The following MSRA variants were observed in gnomAD, a reference collection of about 807,000 sequenced individuals.
MSRA encodes methionine sulfoxide reductase A.
Under a neutral mutation model 31.3 loss-of-function variants are expected in MSRA, and 54 were observed. The ratio of observed to expected loss-of-function variants is 1.73; its 90% CI spans 1.39 to 2.17. The LOEUF is 2.17. Ranked by LOEUF, MSRA falls within the 30% of genes most tolerant of loss-of-function variation. The pLI, the probability that MSRA is intolerant of heterozygous loss-of-function variation, is 0.00. For synonymous variants in MSRA, 169 were observed against 116.5 expected (o/e 1.45, Z -2.90); for missense variants, 507 against 300.9 (o/e 1.69, Z -5.07).
chr8:10,059,267 G>A (rs1802568859), intron 1 of MSRA, among the ~76,000 whole-genome samples: 1 of 152,208 alleles, frequency 6.6e-6, no homozygotes, highest in African/African-American at 2.4e-5. Context: ...GCTCACACTT[G>A]TTAAGTGTCT....
intron 3 of MSRA, among the ~76,000 whole-genome samples, chr8:10,252,974 G>A (rs938246117): frequency 6.6e-6 from 1 of 152,196 alleles, no homozygotes; most frequent in Non-Finnish European, 1.5e-5. Context: ...ATGCTGATAG[G>A]TAGTTCAAAG....
chr8:10,194,642 C>G (rs1467267567), intron 1 of MSRA, among the ~76,000 whole-genome samples: 2 of 152,226 alleles, frequency 1.3e-5, no homozygotes, highest in Admixed American at 6.5e-5. Context: ...ATAGCTCTAT[C>G]TTGAGGCCTT....
chr8:10,283,701 C>G (rs1183296840), intron 3 of MSRA, among the ~76,000 whole-genome samples: 1 of 148,274 alleles, frequency 6.7e-6, no homozygotes, highest in East Asian at 2.0e-4. Flanking sequence ...GTTTTTTTTT[C>G]CATTCCTGAG....
chr8:10,124,706 G>C (rs1197546005), intron 1 of MSRA, among the ~76,000 whole-genome samples: 1 of 152,110 alleles, frequency 6.6e-6, no homozygotes. Flanking sequence ...TATCTTTCCT[G>C]AAATTTTGCA....
chr8:10,161,377 T>C (rs537757931), intron 1 of MSRA, among the ~76,000 whole-genome samples: 2 of 152,296 alleles, frequency 1.3e-5, no homozygotes, highest in Admixed American at 1.3e-4. Context: ...ATTATCTTCA[T>C]TAGGTACTTG....
chr8:10,308,888 G>A (rs986885098), intron 4 of MSRA, among the ~76,000 whole-genome samples: 2 of 152,150 alleles, frequency 1.3e-5, no homozygotes, highest in Admixed American at 6.5e-5. Flanking sequence ...TACTTCATAG[G>A]GTTATAGTCA....
chr8:10,229,448 G>A (rs542066850), intron 2 of MSRA, among the ~76,000 whole-genome samples: 6 of 152,254 alleles, frequency 3.9e-5, no homozygotes, highest in Admixed American at 3.3e-4. Flanking sequence ...TTCATCTGAG[G>A]ACTGGGGGCC....
At chr8:10,425,278 T>C (rs1314238189) in intron 5 of MSRA, among the ~76,000 whole-genome samples, 1 of 152,152 alleles carries the variant, frequency 6.6e-6, no homozygotes, top group Non-Finnish European at 1.5e-5. Flanking sequence ...CCCAGGGCGG[T>C]GCAGAGGCGT....
At chr8:10,067,907 A>T (rs1403407506) in intron 1 of MSRA, among the ~76,000 whole-genome samples, 3 of 113,226 alleles carry the variant, frequency 2.6e-5, no homozygotes, top group Non-Finnish European at 3.4e-5. Context: ...TTTTTTGGAG[A>T]CAGTCTTACA....
intron 5 of MSRA, among the ~76,000 whole-genome samples, chr8:10,368,519 G>A (rs1805295053): frequency 1.3e-5 from 2 of 152,228 alleles, no homozygotes; most frequent in African/African-American, 4.8e-5. Flanking sequence ...GGGGCCGGGA[G>A]GCGACTCATG....
intron 5 of MSRA, among the ~76,000 whole-genome samples, chr8:10,401,685 A>G (rs1807474607): frequency 1.3e-5 from 2 of 152,214 alleles, no homozygotes; most frequent in South Asian, 4.1e-4. Context: ...GAATGGGTAA[A>G]AAAAAAATGT....
At chr8:10,335,739 C>T (rs375493221) in intron 5 of MSRA, among the ~76,000 whole-genome samples, 2 of 152,226 alleles carry the variant, frequency 1.3e-5, no homozygotes, top group African/African-American at 2.4e-5. Flanking sequence ...GCACCCACTG[C>T]GATTTGGCTG....
At chr8:10,224,161 T>G (rs1303883248) in intron 2 of MSRA, among the ~76,000 whole-genome samples, 1 of 152,200 alleles carries the variant, frequency 6.6e-6, no homozygotes, top group Non-Finnish European at 1.5e-5. Flanking sequence ...GATAGTAGCT[T>G]CTTCTCCCAC....
At chr8:10,334,165 GGTGTGT>G (rs1170369259) in intron 5 of MSRA, among the ~76,000 whole-genome samples, 3 of 143,552 alleles carry the variant, frequency 2.1e-5, no homozygotes, top group South Asian at 4.8e-4. Context: ...AACATATAGG[GGTGTGT>G]GTGTGTGTGT....
chr8:10,147,799 GC>G (rs1585031258), intron 1 of MSRA, among the ~76,000 whole-genome samples: 2 of 152,218 alleles, frequency 1.3e-5, no homozygotes, highest in Non-Finnish European at 2.9e-5. Context: ...CGTCCCAGGG[GC>G]TCGGAGACAG....
intron 2 of MSRA, among the ~76,000 whole-genome samples, chr8:10,225,206 C>T (rs1452378357): frequency 6.6e-6 from 1 of 152,176 alleles, no homozygotes; most frequent in Non-Finnish European, 1.5e-5. Context: ...TCATCTCATC[C>T]CTTACTCTAA....
At chr8:10,265,150 A>C (rs905678822) in intron 3 of MSRA, among the ~76,000 whole-genome samples, 2 of 152,228 alleles carry the variant, frequency 1.3e-5, no homozygotes, top group Admixed American at 6.5e-5. Context: ...GTCCTGGAAG[A>C]GGCCAGTCCA....
intron 1 of MSRA, among the ~76,000 whole-genome samples, chr8:10,070,629 A>G (rs897909457): frequency 2.0e-5 from 3 of 152,180 alleles, no homozygotes; most frequent in Non-Finnish European, 2.9e-5. Flanking sequence ...CTTGTGCTGC[A>G]TTTTTATAGC....
intron 5 of MSRA, among the ~76,000 whole-genome samples, chr8:10,334,166 G>T (rs1206210295): frequency 9.7e-6 from 1 of 103,350 alleles, no homozygotes; most frequent in African/African-American, 3.4e-5. Flanking sequence ...ACATATAGGG[G>T]TGTGTGTGTG....
Sources: gnomAD v4.1 joint callset for allele counts (sites outside exome capture counted in the v4.1 genomes callset) on GRCh38, gnomAD v4.1.1 for gene constraint, MANE v1.5 for transcripts, NCBI Gene and HGNC (gene_info 2026-07-23, HGNC 2026-07-21) for gene names.